Variants in TAF8 observed in about 807,000 individuals in gnomAD.
TAF8 encodes the protein TATA-box binding protein associated factor 8.
In TAF8, 47 loss-of-function variants were observed where a neutral mutation model predicts 36.5. The observed-to-expected ratio is 1.29, with a 90% CI of 1.02 to 1.64. TAF8 has a LOEUF of 1.64. Ranked by LOEUF, TAF8 falls within the 40% of genes most tolerant of loss-of-function variation. The pLI is 0.00. For missense variants in TAF8, 420 were observed against 407.6 expected (o/e 1.03, Z -0.26); for synonymous variants, 175 against 159.5 (o/e 1.10, Z -0.73).
intron 6 of TAF8, among the ~76,000 whole-genome samples, chr6:42,068,133 A>T (rs1765430196): frequency 6.6e-6 from 1 of 152,188 alleles, no homozygotes; most frequent in Non-Finnish European, 1.5e-5. Context: ...CTATAGCCTC[A>T]TTTCCATCTT....
At chr6:42,086,210 G>A (rs1449669873), downstream of TAF8, among the ~76,000 whole-genome samples, 1 of 152,180 alleles carries the variant, frequency 6.6e-6, no homozygotes, top group Non-Finnish European at 1.5e-5. Context: ...CTCCATAGAG[G>A]CCATGCCAAT....
At chr6:42,076,158 G>A (rs1181050936) in intron 7 of TAF8, among the ~76,000 whole-genome samples, 1 of 151,148 alleles carries the variant, frequency 6.6e-6, no homozygotes, top group Non-Finnish European at 1.5e-5. Flanking sequence ...AGTGAGCTGA[G>A]ATCACACCAC....
At chr6:42,053,870 A>G (rs1405890447) in intron 2 of TAF8, among the ~76,000 whole-genome samples, 1 of 152,224 alleles carries the variant, frequency 6.6e-6, no homozygotes, top group Non-Finnish European at 1.5e-5. Context: ...TTCTTGGAAC[A>G]ATCTTGGAAT....
At chr6:42,050,961 TG>T (rs1342107653) in intron 1 of TAF8, 1 of 1,105,548 alleles carries the variant, frequency 9.0e-7, no homozygotes, top group African/African-American at 1.6e-5. Context: ...GGTCACCTCT[TG>T]TTACTGTTTT....
rs147699510 is a variant in TAF8 at position 42,057,305 on chromosome 6, G to C, written c.365-84G>C. Reference sequence around the variant, plus strand: ...AAATTGAGGTCTGGCATTTTTTTGAGAAAAGGAGGCTTTGGGGAGAGACCA... The same window carrying C: ...AAATTGAGGTCTGGCATTTTTTTGACAAAAGGAGGCTTTGGGGAGAGACCA... On this transcript the variant is annotated intron_variant, in intron 4 of 8. Coordinates refer to ENST00000372977, the MANE Select transcript of TAF8 (RefSeq NM_138572.3). 605 of 1,577,946 alleles carry C rather than the reference G, an allele frequency of 3.8e-4. 8 individuals carry two copies. The East Asian group carries it at 0.013, about 34-fold the overall frequency.
rs1411825857 is a variant in TAF8, at chr6:42,051,080, G to A, written c.46-277G>A. The A allele has an allele frequency of 5.3e-6, 6 of 1,123,414 alleles. No individual in the cohort carries two copies. The East Asian group carries it at 2.7e-4, about 50-fold the overall frequency. 69.6% of individuals were successfully genotyped at this position (1,123,414 alleles called of 1,614,324 possible). ...CCATCATGCGTGTTTCTTCAGCTAT[G>A]TATTCTAATAATCTGCTAAAGTAGA... On this transcript the variant is annotated intron_variant, in intron 1 of 8. Transcript: ENST00000372977.
chr6:42,074,501 T>C (rs956078557), intron 7 of TAF8, among the ~76,000 whole-genome samples: 1 of 151,966 alleles, frequency 6.6e-6, no homozygotes, highest in African/African-American at 2.4e-5. Context: ...CTGCTCCCAC[T>C]TTTTTTTACA....
chr6:42,060,409 AT>A (rs1765150540), intron 5 of TAF8, among the ~76,000 whole-genome samples: 1 of 152,226 alleles, frequency 6.6e-6, no homozygotes, highest in East Asian at 1.9e-4. Flanking sequence ...AGCAAGAATA[AT>A]TATTTTTCAC....
intron 7 of TAF8, chr6:42,071,471 A>C (rs1026219665): frequency 6.0e-6 from 1 of 167,334 alleles, no homozygotes; most frequent in Admixed American, 6.3e-5. Context: ...AATTACAGGT[A>C]CGCACCACCA....
At position 42,077,524 on chromosome 6, in the gene TAF8, T is replaced by TCTTTCTAGGTCCCTCTC; in HGVS notation, c.921-6_931dup. ...CACCAGGAGGCTCCATGGTTCCTCTTCTTTCTAGGTCCCTCTCCTGAGCTG... is the reference window on the plus strand; with the variant it reads ...CACCAGGAGGCTCCATGGTTCCTCTTCTTTCTAGGTCCCTCTCCTTTCTAGGTCCCTCTCCTGAGCTG... On this transcript the variant is annotated splice_polypyrimidine_tract_variant and intron_variant, in intron 8 of 8. Coordinates refer to ENST00000372977, the MANE Select transcript of TAF8 (RefSeq NM_138572.3). 6.2e-7 allele frequency: 1 copy of TCTTTCTAGGTCCCTCTC among 1,612,806 alleles called. No homozygotes were observed. The highest frequency in any genetic ancestry group is 1.7e-5 in the Admixed American group (1 of 59,812).
chr6:42,050,777 G>A (rs1029823204), intron 1 of TAF8, 191 bp downstream of exon 1: 95 of 923,580 alleles, frequency 1.0e-4, no homozygotes, highest in Non-Finnish European at 1.3e-4. Context: ...GCGGACCTGT[G>A]TCTTGATTGG....
downstream of TAF8, among the ~76,000 whole-genome samples, chr6:42,083,999 G>T (rs901540048): frequency 6.6e-6 from 1 of 151,962 alleles, no homozygotes; most frequent in Non-Finnish European, 1.5e-5. Flanking sequence ...GGCTAACACA[G>T]TGAAACCCCG....
At position 42,079,114 on chromosome 6, in the gene TAF8, T is replaced by G; in HGVS notation, c.*1569T>G. On this transcript the variant is annotated 3_prime_UTR_variant, in exon 9 of 9. Coordinates refer to ENST00000372977, the MANE Select transcript of TAF8 (RefSeq NM_138572.3). Reference sequence around the variant, plus strand: ...TCCAGCCTGGGTGACAGAGCGAGACTCCATTTCAAAAAAATAAAAAAAGGA... The same window carrying G: ...TCCAGCCTGGGTGACAGAGCGAGACGCCATTTCAAAAAAATAAAAAAAGGA... The G allele has an allele frequency of 7.3e-6, 7 of 963,422 alleles. No individual in the cohort carries two copies. The South Asian group carries it at 2.4e-4, about 33-fold the overall frequency. 59.7% of individuals were successfully genotyped at this position (963,422 alleles called of 1,614,324 possible).
At chr6:42,059,362 G>A (rs906671385) in intron 5 of TAF8, among the ~76,000 whole-genome samples, 8 of 151,230 alleles carry the variant, frequency 5.3e-5, no homozygotes, top group Admixed American at 3.3e-4. Flanking sequence ...CAGCCTGGGC[G>A]ACAGAGCGAG....
At chr6:42,071,311 CTTTTTTTT>C (rs70987566) in intron 7 of TAF8, 21 of 121,710 alleles carry the variant, frequency 1.7e-4, no homozygotes, top group South Asian at 3.3e-4. Context: ...CCTGGACATA[CTTTTTTTT>C]TTTTTTTTTT....
At chr6:42,074,269 C>A (rs1048488458) in intron 7 of TAF8, among the ~76,000 whole-genome samples, 2 of 152,128 alleles carry the variant, frequency 1.3e-5, no homozygotes, top group Admixed American at 1.3e-4. Context: ...GACTTAGGTG[C>A]CTGAAGTCTG....
At chr6:42,071,078 C>T (rs577196914) in intron 7 of TAF8, among the ~76,000 whole-genome samples, 54 of 152,260 alleles carry the variant, frequency 3.5e-4, no homozygotes, top group Admixed American at 5.9e-4. Flanking sequence ...ATCGCAGAAC[C>T]GCCAGAAGCT....
intron 5 of TAF8, among the ~76,000 whole-genome samples, chr6:42,059,153 G>A (rs1262419465): frequency 1.3e-5 from 2 of 152,072 alleles, no homozygotes; most frequent in South Asian, 2.1e-4. Flanking sequence ...GGAGGCCGAG[G>A]TGGGGGGATC....
At chr6:42,058,358 C>T (rs954487539) in intron 5 of TAF8, among the ~76,000 whole-genome samples, 4 of 151,998 alleles carry the variant, frequency 2.6e-5, no homozygotes, top group African/African-American at 7.3e-5. Context: ...CCAGCCTAGG[C>T]GACAGAGCAA....
Sources: allele counts gnomAD v4.1 joint callset (sites outside exome capture counted in the v4.1 genomes callset), GRCh38; gene constraint gnomAD v4.1.1; transcripts MANE v1.5; gene names NCBI Gene and HGNC (gene_info 2026-07-23, HGNC 2026-07-21).